The following GALNT15 variants were observed in gnomAD, a reference collection of about 807,000 sequenced individuals.
GALNT15 encodes the protein UDP-GalNAc transferase T15.
GALNT15 carries 67 observed loss-of-function variants against 66.8 expected under a neutral mutation model. The observed-to-expected ratio is 1.00, with a 90% CI of 0.82 to 1.23. The LOEUF is 1.23. GALNT15 is among the 50% of genes most tolerant of loss of function. GALNT15 has a pLI of 0.00. For missense variants in GALNT15, 827 were observed against 804.3 expected (o/e 1.03, Z -0.34); for synonymous variants, 313 against 311.5 (o/e 1.00, Z -0.05).
At chr3:16,178,488 C>T (rs2063435316) in intron 1 of GALNT15, among the ~76,000 whole-genome samples, 1 of 152,192 alleles carries the variant, frequency 6.6e-6, no homozygotes, top group African/African-American at 2.4e-5. Context: ...GAACGGCCGC[C>T]AGCTTTGTGC....
rs74393642 is a variant in GALNT15 at position 16,188,394 on chromosome 3, A to G, written c.540-7366A>G. ...TAGTGGTCAACATTTAAAAATTAAG[A>G]TATTTCCCAGAAACAGTTCAGGTTT... On this transcript the variant is annotated intron_variant, in intron 1 of 9. Transcript: ENST00000339732. The surrounding 1 kb of genome is among the most constrained non-coding windows in gnomAD (Gnocchi z 4.6). 0.011 allele frequency among the ~76,000 whole-genome samples: 1,647 copies of G among 152,308 alleles called. 29 individuals are homozygous for G. Among genetic ancestry groups the G allele is most frequent in the African/African-American group, 0.037 (1,555 of 41,552 alleles).
Position 16,203,363 on chromosome 3 carries a change from A to G in GALNT15, c.911+2540A>G, listed in dbSNP as rs1199812746. ...AGACGTGGCACTACCTCAGTGTCCT[A>G]GGCTAGAAAGAAAATGAGGCTCCCT... On this transcript the variant is annotated intron_variant, in intron 3 of 9. Transcript: ENST00000339732. The surrounding 1 kb of genome is among the most constrained non-coding windows in gnomAD (Gnocchi z 6.2). Among the ~76,000 whole-genome samples the G allele has an allele frequency of 6.6e-6, 1 of 151,956 alleles. No homozygotes were observed. The highest frequency in any genetic ancestry group is 1.5e-5 in the Non-Finnish European group (1 of 68,012).
rs1259010520 is a variant in GALNT15, at chr3:16,200,137, A to T, written c.707-482A>T. ...AGAAAGAGAGAGAGAGAGGAGGAAA[A>T]ACTATCAAACACTTATATAATCATC... On this transcript the variant is annotated intron_variant, in intron 2 of 9. Transcript: ENST00000339732. This position sits in a 1 kb window ranked among gnomAD's most constrained non-coding sequence, Gnocchi z 4.4. Among the ~76,000 whole-genome samples the T allele has an allele frequency of 2.0e-5, 3 of 152,212 alleles. No individual in the cohort carries two copies. The East Asian group carries it at 5.8e-4, about 29-fold the overall frequency.
chr3:16,240,671 T>G, the GALNT15 span, among the ~76,000 whole-genome samples: 1 of 152,192 alleles, frequency 6.6e-6, no homozygotes, highest in Non-Finnish European at 1.5e-5. Context: ...GTTTCAGTAA[T>G]TTCCAAGTGT....
intron 3 of GALNT15, among the ~76,000 whole-genome samples, chr3:16,202,817 A>G (rs1342859566): frequency 1.3e-5 from 2 of 152,206 alleles, no homozygotes; most frequent in African/African-American, 4.8e-5. Context: ...GGGACCATGA[A>G]GATCATCTTG....
intron 6 of GALNT15, among the ~76,000 whole-genome samples, chr3:16,215,906 C>CAAAAAAAAAAAACAAAAA (rs1559690416): frequency 9.7e-6 from 1 of 102,634 alleles, no homozygotes. Flanking sequence ...GAGACTCCGC[C>CAAAAAAAAAAAACAAAAA]AAAAAAAAAA....
Position 16,175,043 on chromosome 3 carries a change from A to T in GALNT15, c.-109A>T, listed in dbSNP as rs1330203032. On this transcript the variant is annotated 5_prime_UTR_variant, in exon 1 of 10. Coordinates refer to ENST00000339732, the MANE Select transcript of GALNT15 (RefSeq NM_054110.5). This position sits in a 1 kb window ranked among gnomAD's most constrained non-coding sequence, Gnocchi z 5.6. ...ACCAGGTTAAGTGACTGGCAGAAAA[A>T]CTTCCAGGTGGAACAAGCAACCCAG... is the stretch of plus-strand genomic sequence containing the variant. 4.9e-6 allele frequency: 5 copies of T among 1,029,170 alleles called. No individual in the cohort carries two copies. The highest frequency in any genetic ancestry group is 7.1e-6 in the Non-Finnish European group (5 of 705,860). The allele number at this position is 1,029,170 out of a possible 1,614,324, so 63.8% of individuals were successfully genotyped here.
At chr3:16,217,318 G>A (rs1002745594) in intron 6 of GALNT15, among the ~76,000 whole-genome samples, 2 of 152,120 alleles carry the variant, frequency 1.3e-5, no homozygotes, top group African/African-American at 2.4e-5. Context: ...CTTTTGCAAG[G>A]AGAATGGCAC....
In GALNT15 at chr3:16,219,357, G is replaced by A. The variant is rs761124139; in HGVS notation, c.1393-46G>A. 1.2e-6 allele frequency: 2 copies of A among 1,605,672 alleles called. No homozygotes were observed. The highest frequency in any genetic ancestry group is 2.2e-5 in the East Asian group (1 of 44,874). On this transcript the variant is annotated intron_variant, in intron 6 of 9. Coordinates refer to ENST00000339732, the MANE Select transcript of GALNT15 (RefSeq NM_054110.5). The surrounding 1 kb of genome is among the most constrained non-coding windows in gnomAD (Gnocchi z 4.3). ...CCATCCCCAACCATGTGAATTCTGGGCAAGACAAGCTTTCATCATCCTGCT... is the reference window on the plus strand; with the variant it reads ...CCATCCCCAACCATGTGAATTCTGGACAAGACAAGCTTTCATCATCCTGCT...
Position 16,204,178 on chromosome 3 carries a change from T to G in GALNT15, c.911+3355T>G, listed in dbSNP as rs1352739626. Among the ~76,000 whole-genome samples, 1 of 152,176 alleles carries G rather than the reference T, an allele frequency of 6.6e-6. No homozygotes were observed. The highest frequency in any genetic ancestry group is 1.9e-4 in the East Asian group (1 of 5,174). ...AATTCAGAGCCTGCTGACCAGCCTT[T>G]GTTCCCTGTCCCTGCCTAGCAGGTT... On this transcript the variant is annotated intron_variant, in intron 3 of 9. Transcript: ENST00000339732. This position sits in a 1 kb window ranked among gnomAD's most constrained non-coding sequence, Gnocchi z 4.5.
chr3:16,232,144 G>T (rs916528465), downstream of GALNT15, among the ~76,000 whole-genome samples: 1 of 151,988 alleles, frequency 6.6e-6, no homozygotes, highest in African/African-American at 2.4e-5. Context: ...AGTGGGAGCT[G>T]CCTTGTTCCC....
At position 16,189,476 on chromosome 3, in the gene GALNT15, G is replaced by A. The variant is rs1369657893; in HGVS notation, c.540-6284G>A. On this transcript the variant is annotated intron_variant, in intron 1 of 9. Coordinates refer to ENST00000339732, the MANE Select transcript of GALNT15 (RefSeq NM_054110.5). The surrounding 1 kb of genome is among the most constrained non-coding windows in gnomAD (Gnocchi z 5.1). ...AGCCCAGTTCCTCTGCTATGTTGAA[G>A]GACATCCTCAGAGACATGTTCAGAC... Among the ~76,000 whole-genome samples, 4 of 152,196 alleles carry A rather than the reference G, an allele frequency of 2.6e-5. No homozygotes were observed.
At position 16,212,294 on chromosome 3, in the gene GALNT15, T is replaced by G. The variant is rs563049503; in HGVS notation, c.1198-275T>G. Among the ~76,000 whole-genome samples, 3 of 152,216 alleles carry G rather than the reference T, an allele frequency of 2.0e-5. No homozygotes were observed. In the South Asian group the frequency reaches 6.2e-4, roughly 32 times the overall value. ...TCTCTCTAAGTGCTGGACCTGCATG[T>G]GTTTGAAGGGCAGCATATTCAGGTA... On this transcript the variant is annotated intron_variant, in intron 5 of 9. Transcript: ENST00000339732.
chr3:16,199,237 C>A (rs2063674030), intron 2 of GALNT15, among the ~76,000 whole-genome samples: 2 of 141,170 alleles, frequency 1.4e-5, no homozygotes, highest in Admixed American at 1.4e-4. Flanking sequence ...CTCACACACA[C>A]AATCAAGTTA....
rs577599319 is a variant in GALNT15, at chr3:16,229,706, A to C, written c.*2206A>C. On this transcript the variant is annotated 3_prime_UTR_variant, in exon 10 of 10. Coordinates refer to ENST00000339732, the MANE Select transcript of GALNT15 (RefSeq NM_054110.5). ...ATTGTGGGTCTTTGAAGTTGCTGGG[A>C]TAAATTAATATAATTAAATAAAAGA... is the stretch of plus-strand genomic sequence containing the variant. 1.0e-6 allele frequency: 1 copy of C among 975,652 alleles called. No homozygotes were observed. The highest frequency in any genetic ancestry group is 4.7e-5 in the South Asian group (1 of 21,104). 60.4% of individuals were successfully genotyped at this position (975,652 alleles called of 1,614,324 possible). A position where few individuals can be genotyped will look rare whatever the true frequency, so the allele number is the denominator to read the frequency against.
chr3:16,244,160 T>C, the GALNT15 span: 1 of 263,836 alleles, frequency 3.8e-6, no homozygotes, highest in African/African-American at 2.3e-5. Flanking sequence ...GGCAGAGACG[T>C]TTGAGTGGCT....
chr3:16,220,254 G>A (rs1397592803), intron 8 of GALNT15: 3 of 520,830 alleles, frequency 5.8e-6, no homozygotes, highest in African/African-American at 1.9e-5. Flanking sequence ...AAAGGGAAAT[G>A]GAGAAGCCGT....
At position 16,229,552 on chromosome 3, in the gene GALNT15, A is replaced by G; in HGVS notation, c.*2052A>G. Reference sequence around the variant, plus strand: ...TTCAGACCCATCTATATTTAAAACAAATTTCCCTAAATCCTGAGACTGAGA... The same window carrying G: ...TTCAGACCCATCTATATTTAAAACAGATTTCCCTAAATCCTGAGACTGAGA... On this transcript the variant is annotated 3_prime_UTR_variant, in exon 10 of 10. Coordinates refer to ENST00000339732, the MANE Select transcript of GALNT15 (RefSeq NM_054110.5). 1.3e-5 allele frequency: 13 copies of G among 985,082 alleles called. No homozygotes were observed. The highest frequency in any genetic ancestry group is 1.4e-5 in the Non-Finnish European group (12 of 829,648). The allele number at this position is 985,082 out of a possible 1,614,324, so 61.0% of individuals were successfully genotyped here. A position where few individuals can be genotyped will look rare whatever the true frequency, so the allele number is the denominator to read the frequency against.
rs549880452 is a variant in GALNT15, at chr3:16,175,729, G to T, written c.539+39G>T. 1.3e-6 allele frequency: 2 copies of T among 1,511,058 alleles called. No homozygotes were observed. The highest frequency in any genetic ancestry group is 1.8e-6 in the Non-Finnish European group (2 of 1,128,078). 93.6% of individuals were successfully genotyped at this position (1,511,058 alleles called of 1,614,324 possible). A position where few individuals can be genotyped will look rare whatever the true frequency, so the allele number is the denominator to read the frequency against. On this transcript the variant is annotated intron_variant, in intron 1 of 9. Transcript: ENST00000339732. The surrounding 1 kb of genome is among the most constrained non-coding windows in gnomAD (Gnocchi z 5.6). ...TTGTTTTCCCTTCCCTGATCCCAGGGCATGATCGGGTGGTAGCAAACTCGG... is the reference window on the plus strand; with the variant it reads ...TTGTTTTCCCTTCCCTGATCCCAGGTCATGATCGGGTGGTAGCAAACTCGG...
Sources: gnomAD v4.1 joint callset for allele counts (sites outside exome capture counted in the v4.1 genomes callset) on GRCh38, gnomAD v4.1.1 for gene constraint, Gnocchi (gnomAD v3.1) non-coding constraint, MANE v1.5 for transcripts, NCBI Gene and HGNC (gene_info 2026-07-23, HGNC 2026-07-21) for gene names.